Variants in USF3 observed in about 807,000 individuals in gnomAD.
USF3 encodes the protein upstream transcription factor family member 3.
In USF3, 29 loss-of-function variants were observed where a neutral mutation model predicts 157.5. The observed-to-expected ratio is 0.18, with a 90% CI of 0.14 to 0.25. The LOEUF (loss-of-function observed/expected upper bound fraction) is 0.25. Ranked by LOEUF, USF3 falls within the 10% of genes least tolerant of loss-of-function variation. The pLI, the probability that USF3 is intolerant of heterozygous loss-of-function variation, is 1.00. For synonymous variants in USF3, 893 were observed against 941.4 expected (o/e 0.95, Z 0.94); for missense variants, 2,381 against 2,667.6 (o/e 0.89, Z 2.37).
chr3:113,658,487 A>G lies in USF3; in HGVS notation c.3195T>C (p.His1065=). Residue 1065 remains histidine, a synonymous_variant, in exon 7 of 7, where the codon CAT becomes CAC. Coordinates refer to ENST00000316407, the MANE Select transcript of USF3 (RefSeq NM_001009899.4). The part of the protein sequence containing the change: ...NNDDRDPPQH[H]SCLPDQEVIN... The stretch of plus-strand genomic sequence containing the variant: ...TAACCTCTTGATCAGGGAGGCAGGA[A>G]TGATGCTGTGGAGGATCTCTATCAT... 1.2e-6 allele frequency: 2 copies of G among 1,614,110 alleles called. No homozygotes were observed. The highest frequency in any genetic ancestry group is 8.5e-7 in the Non-Finnish European group (1 of 1,179,950).
chr3:113,674,727 G>C, intron 3 of USF3, 105 bp downstream of exon 3: 1 of 827,822 alleles, frequency 1.2e-6, no homozygotes, highest in East Asian at 2.4e-5. Flanking sequence ...AATTTCCTCG[G>C]TATCTAAATA....
In USF3 at chr3:113,664,373, T is replaced by C. The variant is rs772290092; in HGVS notation, c.196A>G (p.Ile66Val). Residue 66 changes from isoleucine to valine, a missense_variant, in exon 6 of 7, where the codon ATA (isoleucine) becomes GTA (valine). Around this residue, in one of 6 missense-constraint regions of USF3, gnomAD observed 105 missense variants for 158.6 expected, o/e 0.66. Transcript: ENST00000316407. ...NMILDQAFKY[I>V]TELKRQNDEL... ...TCATTTTGCCTTTTCAATTCTGTTA[T>C]ATATTTAAAGGCTTGGTCCAGGATC... 4 of 1,610,126 alleles carry C rather than the reference T, an allele frequency of 2.5e-6. No homozygotes were observed. Among genetic ancestry groups the C allele is most frequent in the East Asian group, 2.2e-5 (1 of 44,794 alleles).
At chr3:113,685,506 T>C (rs184650057) in intron 1 of USF3, among the ~76,000 whole-genome samples, 19 of 152,174 alleles carry the variant, frequency 1.2e-4, no homozygotes, top group Admixed American at 3.9e-4. Context: ...CTGGAATCTT[T>C]AGGAGTCTAC....
Position 113,658,807 on chromosome 3 carries a change from G to A in USF3, c.2875C>T (p.Pro959Ser). 1 of 1,614,134 alleles carries A rather than the reference G, an allele frequency of 6.2e-7. No homozygotes were observed. Among genetic ancestry groups the A allele is most frequent in the Non-Finnish European group, 8.5e-7 (1 of 1,180,032 alleles). ...SDPHILVSQV[P>S]GLSSTTSTTS... is the part of the protein sequence containing the mutation. ...GTGCTTGTTGTAGATGACAAACCAG[G>A]AACCTGAGAAACCAAAATGTGAGGA... Residue 959 changes from proline to serine, a missense_variant, in exon 7 of 7, where the codon CCT (proline) becomes TCT (serine). This residue lies in a region of USF3 where 1,435 missense variants were observed against 1,550.9 expected (regional missense o/e 0.93). Coordinates refer to ENST00000316407, the MANE Select transcript of USF3 (RefSeq NM_001009899.4).
At chr3:113,670,629 G>T (rs1707132049) in intron 4 of USF3, among the ~76,000 whole-genome samples, 1 of 151,902 alleles carries the variant, frequency 6.6e-6, no homozygotes, top group Admixed American at 6.6e-5. Flanking sequence ...GGGGGAAGGG[G>T]AGCGGAAGGG....
Position 113,664,426 on chromosome 3 carries a change from T to A in USF3, c.160-17A>T. On this transcript the variant is annotated splice_polypyrimidine_tract_variant and intron_variant, in intron 5 of 6. Coordinates refer to ENST00000316407, the MANE Select transcript of USF3 (RefSeq NM_001009899.4). ...ATTCTTGCTCTGTCCAAGAAAATTT[T>A]AAAAGTTTACAAGTTTCACTGAAGG... 6.8e-7 allele frequency: 1 copy of A among 1,480,796 alleles called. No individual in the cohort carries two copies. Among genetic ancestry groups the A allele is most frequent in the Non-Finnish European group, 9.3e-7 (1 of 1,078,778 alleles). The allele number at this position is 1,480,796 out of a possible 1,614,324, so 91.7% of individuals were successfully genotyped here. A position where few individuals can be genotyped will look rare whatever the true frequency, so the allele number is the denominator to read the frequency against.
chr3:113,658,675 C>T lies in USF3; in HGVS notation c.3007G>A (p.Gly1003Ser), dbSNP rs1282022484. Residue 1003 changes from glycine (G) to serine (S), a missense_variant, in exon 7 of 7, where the codon GGT (glycine) becomes AGT (serine). This residue lies in a region of USF3 where 1,435 missense variants were observed against 1,550.9 expected (regional missense o/e 0.93). Coordinates refer to ENST00000316407, the MANE Select transcript of USF3 (RefSeq NM_001009899.4). ...AGATCAGATAGCAATGTAGTTAAAC[C>T]TTGCCCCTTTAAGAGACCTGTGGTT... The part of the protein sequence containing the change: ...MQTTGLLKGQ[G>S]LTTLLSDLAK... 2 of 1,613,874 alleles carry T rather than the reference C, an allele frequency of 1.2e-6. No individual in the cohort carries two copies. Among genetic ancestry groups the T allele is most frequent in the East Asian group, 4.5e-5 (2 of 44,868 alleles).
At chr3:113,663,791 T>C (rs757939430) in intron 6 of USF3, among the ~76,000 whole-genome samples, 8 of 152,258 alleles carry the variant, frequency 5.3e-5, no homozygotes, top group South Asian at 4.1e-4. Context: ...ACTCATTTGA[T>C]GGCATTAAAA....
At chr3:113,667,420 G>A (rs1007635880) in intron 5 of USF3, among the ~76,000 whole-genome samples, 6 of 152,172 alleles carry the variant, frequency 3.9e-5, no homozygotes, top group Admixed American at 1.3e-4. Flanking sequence ...AGGGATGAAA[G>A]CCAAGAGCAG....
At chr3:113,671,416 A>G (rs1409345025) in intron 4 of USF3, among the ~76,000 whole-genome samples, 1 of 152,178 alleles carries the variant, frequency 6.6e-6, no homozygotes, top group Non-Finnish European at 1.5e-5. Flanking sequence ...CACTTTGGCT[A>G]TGTTGGATCT....
In USF3 at chr3:113,658,672, A is replaced by T. The variant is rs1947416123; in HGVS notation, c.3010T>A (p.Leu1004Ile). Residue 1004 changes from leucine (L) to isoleucine (I), a missense_variant, in exon 7 of 7, where the codon TTA becomes ATA. By Grantham distance (5) the Leu-to-Ile change is conservative. This residue lies in a region of USF3 where 1,435 missense variants were observed against 1,550.9 expected (regional missense o/e 0.93). Transcript: ENST00000316407. ...QTTGLLKGQGLTTLLSDLAKK... is the reference protein window; with the variant it reads ...QTTGLLKGQGITTLLSDLAKK... ...GCAAGATCAGATAGCAATGTAGTTA[A>T]ACCTTGCCCCTTTAAGAGACCTGTG... The T allele has an allele frequency of 6.2e-7, 1 of 1,613,980 alleles. No individual in the cohort carries two copies. The highest frequency in any genetic ancestry group is 1.3e-5 in the African/African-American group (1 of 74,898).
At chr3:113,670,942 GCCA>G (rs1707142247) in intron 4 of USF3, among the ~76,000 whole-genome samples, 1 of 151,978 alleles carries the variant, frequency 6.6e-6, no homozygotes, top group Non-Finnish European at 1.5e-5. Context: ...ACAGGGTCTT[GCCA>G]TGTTGCCTAG....
At position 113,653,050 on chromosome 3, in the gene USF3, T is replaced by A; in HGVS notation, c.*1894A>T. 2.7e-6 allele frequency: 1 copy of A among 374,320 alleles called. No individual in the cohort carries two copies. Among genetic ancestry groups the A allele is most frequent in the Non-Finnish European group, 4.5e-6 (1 of 221,850 alleles). 23.2% of individuals were successfully genotyped at this position (374,320 alleles called of 1,614,324 possible). On this transcript the variant is annotated 3_prime_UTR_variant, in exon 7 of 7. Transcript: ENST00000316407. ...CGACACTCCAGCCTGGGTGACAGAG[T>A]CTCAAAAAAAAAAGAAAAGAAGAAA...
At chr3:113,680,644 T>C (rs1707395501) in intron 1 of USF3, among the ~76,000 whole-genome samples, 1 of 152,132 alleles carries the variant, frequency 6.6e-6, no homozygotes. Context: ...AAACCCTGCC[T>C]ATACTAAAAC....
chr3:113,693,338 C>T (rs1707728555), intron 1 of USF3, among the ~76,000 whole-genome samples: 1 of 152,116 alleles, frequency 6.6e-6, no homozygotes, highest in Non-Finnish European at 1.5e-5. Flanking sequence ...CCCTGGTTAG[C>T]AGTATGGTGG....
rs777251613 is a variant in USF3, at chr3:113,657,071, G to C, written c.4611C>G (p.Ser1537=). The C allele has an allele frequency of 6.2e-7, 1 of 1,614,122 alleles. No individual in the cohort carries two copies. Among genetic ancestry groups the C allele is most frequent in the Non-Finnish European group, 8.5e-7 (1 of 1,180,008 alleles). Residue 1537 remains serine (S), a synonymous_variant, in exon 7 of 7, where the codon TCC becomes TCG. Transcript: ENST00000316407. The part of the protein sequence containing the change: ...LVQGTQTSQL[S]LQPKHHGTDQ... ...CAGTTCCATGGTGCTTTGGTTGTAA[G>C]GAAAGCTGAGAGGTCTGGGTGCCCT... is the stretch of plus-strand genomic sequence containing the variant.
At chr3:113,684,449 C>G (rs374005021) in intron 1 of USF3, among the ~76,000 whole-genome samples, 11 of 152,282 alleles carry the variant, frequency 7.2e-5, no homozygotes, top group African/African-American at 2.6e-4. Flanking sequence ...CTTTCTACCT[C>G]AATCTCTCTC....
At chr3:113,676,783 A>T (rs1019212731) in intron 2 of USF3, among the ~76,000 whole-genome samples, 1 of 152,032 alleles carries the variant, frequency 6.6e-6, no homozygotes, top group African/African-American at 2.4e-5. Flanking sequence ...ATGAGTTTAA[A>T]ATCTGTTTCT....
In USF3 at chr3:113,657,693, C is replaced by A; in HGVS notation, c.3989G>T (p.Arg1330Leu). ...CAGTAAAAGGTCATCTTGGACAGCA[C>A]GCTTAGCAGAATCCTTACGGCTTTC... is the stretch of plus-strand genomic sequence containing the variant. ...SHESRKDSAK[R>L]AVQDDLLLSS... Residue 1330 changes from arginine (R) to leucine (L), a missense_variant, in exon 7 of 7, where the codon CGT becomes CTT. Arg to Leu is a moderately radical substitution (Grantham distance 102). Transcript: ENST00000316407. 1 of 1,614,132 alleles carries A rather than the reference C, an allele frequency of 6.2e-7. No homozygotes were observed. The highest frequency in any genetic ancestry group is 8.5e-7 in the Non-Finnish European group (1 of 1,180,040).
Sources: gnomAD v4.1 joint callset for allele counts (sites outside exome capture counted in the v4.1 genomes callset) on GRCh38, gnomAD v4.1.1 for gene constraint, gnomAD v4.1.1 regional missense constraint, MANE v1.5 for transcripts, NCBI Gene and HGNC (gene_info 2026-07-23, HGNC 2026-07-21) for gene names.